DOCK2: variants seen among roughly 807,000 people sequenced by gnomAD.
The protein encoded by DOCK2 is dedicator of cytokinesis 2, also known as dedicator of cytokinesis protein 2.
Under a neutral mutation model 248.9 loss-of-function variants are expected in DOCK2, and 87 were observed. That is an observed-to-expected ratio of 0.35 (90% CI 0.29 to 0.42). The LOEUF is 0.42. Among genes scored for constraint, DOCK2 ranks in the 10% least tolerant of loss-of-function variants. DOCK2 has a pLI of 1.00. For synonymous variants in DOCK2, 805 were observed against 821.6 expected (o/e 0.98, Z 0.35); for missense variants, 1,747 against 2,300.2 (o/e 0.76, Z 4.92).
At chr5:169,912,965 A>G (rs1671077914) in intron 27 of DOCK2, among the ~76,000 whole-genome samples, 1 of 152,154 alleles carries the variant, frequency 6.6e-6, no homozygotes, top group Non-Finnish European at 1.5e-5. Flanking sequence ...TTAATGGGTG[A>G]TAATTTTGTA....
At chr5:169,898,528 A>AAACAACAACAACAAC (rs36216194) in intron 27 of DOCK2, among the ~76,000 whole-genome samples, 5 of 151,130 alleles carry the variant, frequency 3.3e-5, no homozygotes, top group Non-Finnish European at 7.4e-5. Flanking sequence ...CACACACACA[A>AAACAACAACAACAAC]AACAACAACA....
rs9918252 is a variant in DOCK2 at position 169,764,424 on chromosome 5, T to C, written c.2554+2799T>C. Among the ~76,000 whole-genome samples the C allele has an allele frequency of 0.15, 22,910 of 152,088 alleles. 2,993 individuals are homozygous for C. Among genetic ancestry groups the C allele is most frequent in the African/African-American group, 0.31 (12,683 of 41,442 alleles). On this transcript the variant is annotated intron_variant, in intron 25 of 51. Coordinates refer to ENST00000520908, the MANE Select transcript of DOCK2 (RefSeq NM_004946.3). The surrounding 1 kb of genome is among the most constrained non-coding windows in gnomAD (Gnocchi z 4.3). Reference sequence around the variant, plus strand: ...GTTCTTGGGTCACACTAGACCCGAGTTTACTTCCTGGTTCAGCTTTTTACA... The same window carrying C: ...GTTCTTGGGTCACACTAGACCCGAGCTTACTTCCTGGTTCAGCTTTTTACA...
Position 169,671,091 on chromosome 5 carries a change from A to G in DOCK2, c.238A>G (p.Ile80Val), listed in dbSNP as rs201979117. 12 of 1,614,092 alleles carry G rather than the reference A, an allele frequency of 7.4e-6. No individual in the cohort carries two copies. In the Admixed American group the frequency reaches 8.3e-5, roughly 11 times the overall value. Reference protein sequence around the residue: ...TVEKRRNTENIIPAEIPLAQE... With the variant: ...TVEKRRNTENVIPAEIPLAQE... ...CACCTTAAATAGAAATACTGAGAAC[A>G]TCATTCCTGCAGAAATTCCTCTGGC... Residue 80 changes from isoleucine to valine, a missense_variant, in exon 5 of 52, where the codon ATC becomes GTC. Physicochemically the swap from Ile to Val is conservative, Grantham distance 29 (BLOSUM62 3). Coordinates refer to ENST00000520908, the MANE Select transcript of DOCK2 (RefSeq NM_004946.3).
chr5:169,969,948 A>G (rs1306707599), intron 27 of DOCK2, among the ~76,000 whole-genome samples: 1 of 152,238 alleles, frequency 6.6e-6, no homozygotes, highest in African/African-American at 2.4e-5. Flanking sequence ...ATTGTTGACA[A>G]CAAATTCAAA....
chr5:169,669,609 A>G (rs1758930780), intron 3 of DOCK2, among the ~76,000 whole-genome samples: 1 of 151,948 alleles, frequency 6.6e-6, no homozygotes, highest in African/African-American at 2.4e-5. Flanking sequence ...GTCTCTGTGG[A>G]ATTGTGCGTT....
rs373947127 is a variant in DOCK2 at position 169,718,773 on chromosome 5, C to T, written c.2249C>T (p.Ser750Leu). 1 of 1,613,318 alleles carries T rather than the reference C, an allele frequency of 6.2e-7. No individual in the cohort carries two copies. Reference sequence around the variant, plus strand: ...TATGTGTTCAAGTTCATTGTTCGGTCGAGGACATTATTTTCACAGTGAGTA... The same window carrying T: ...TATGTGTTCAAGTTCATTGTTCGGTTGAGGACATTATTTTCACAGTGAGTA... ...LEYVFKFIVR[S>L]RTLFSQLYEG... Residue 750 changes from serine (S) to leucine (L), a missense_variant, in exon 22 of 52, where the codon TCG (serine) becomes TTG (leucine). Transcript: ENST00000520908.
intron 2 of DOCK2, among the ~76,000 whole-genome samples, chr5:169,661,111 ACT>A (rs1581404756): frequency 6.6e-6 from 1 of 151,756 alleles, no homozygotes; most frequent in East Asian, 1.9e-4. Flanking sequence ...CACTGGACAA[ACT>A]CTCTGAGTTT....
In DOCK2 at chr5:169,681,966, G is replaced by A. The variant is rs962583844; in HGVS notation, c.606+87G>A. On this transcript the variant is annotated intron_variant, in intron 7 of 51. Coordinates refer to ENST00000520908, the MANE Select transcript of DOCK2 (RefSeq NM_004946.3). ...AAATAATGGGCTAATGAACCAGACT[G>A]TGTATTATTCAAGGGGCATCTGTCT... 3.1e-5 allele frequency: 48 copies of A among 1,543,454 alleles called. No homozygotes were observed. In the East Asian group the frequency reaches 8.4e-4, roughly 27 times the overall value.
intron 25 of DOCK2, among the ~76,000 whole-genome samples, chr5:169,795,830 G>A (rs1049786839): frequency 6.6e-6 from 1 of 152,182 alleles, no homozygotes; most frequent in Admixed American, 6.5e-5. Context: ...GGAGAATTTT[G>A]GGTTTCAATT....
At chr5:169,719,381 T>C (rs1173452400) in intron 22 of DOCK2, among the ~76,000 whole-genome samples, 1 of 152,210 alleles carries the variant, frequency 6.6e-6, no homozygotes, top group Non-Finnish European at 1.5e-5. Context: ...ATCTTGGCCA[T>C]AGGGCAAAGT....
chr5:170,049,911 C>T (rs1228791432), intron 40 of DOCK2, among the ~76,000 whole-genome samples: 1 of 152,202 alleles, frequency 6.6e-6, no homozygotes, highest in Non-Finnish European at 1.5e-5. Context: ...TGGCCCATTA[C>T]AGGCAACGGG....
chr5:169,866,199 G>C (rs995810598), intron 27 of DOCK2, among the ~76,000 whole-genome samples: 2 of 152,210 alleles, frequency 1.3e-5, no homozygotes, highest in Non-Finnish European at 2.9e-5. Context: ...ATCCAGGCTT[G>C]CTTCTCCTCC....
At chr5:169,789,997 TGTGG>T (rs1766227830) in intron 25 of DOCK2, among the ~76,000 whole-genome samples, 2 of 152,212 alleles carry the variant, frequency 1.3e-5, no homozygotes, top group Non-Finnish European at 1.5e-5. Flanking sequence ...GTTTTAAATC[TGTGG>T]AGCTGTAAAT....
intron 27 of DOCK2, among the ~76,000 whole-genome samples, chr5:169,946,795 GC>G (rs1776468450): frequency 6.6e-6 from 1 of 152,218 alleles, no homozygotes; most frequent in Non-Finnish European, 1.5e-5. Context: ...GTGACGTGGG[GC>G]TGAGGGAGAC....
intron 46 of DOCK2, among the ~76,000 whole-genome samples, chr5:170,070,760 CTT>C (rs992127363): frequency 7.5e-4 from 115 of 152,322 alleles, no homozygotes; most frequent in African/African-American, 2.5e-3. Context: ...CTGGGGACCT[CTT>C]CTCCTCTGGA....
At chr5:169,944,066 G>A (rs1402365633) in intron 27 of DOCK2, among the ~76,000 whole-genome samples, 1 of 152,194 alleles carries the variant, frequency 6.6e-6, no homozygotes, top group Non-Finnish European at 1.5e-5. Context: ...CATGTGCCAG[G>A]ACCGGGGTAA....
At chr5:169,675,223 T>TCCACCTGGAGTCCAGGGC (rs1226374918) in intron 6 of DOCK2, among the ~76,000 whole-genome samples, 1 of 152,110 alleles carries the variant, frequency 6.6e-6, no homozygotes, top group Admixed American at 6.5e-5. Context: ...GGCTCCAGGG[T>TCCACCTGGAGTCCAGGGC]CCACCTGGAG....
chr5:170,029,020 A>C (rs1756028707), intron 34 of DOCK2, among the ~76,000 whole-genome samples: 1 of 152,102 alleles, frequency 6.6e-6, no homozygotes, highest in Non-Finnish European at 1.5e-5. Context: ...TACTATTCGT[A>C]TTGATTCTTC....
intron 4 of DOCK2, 123 bp from the exon 5 acceptor site, chr5:169,670,955 G>A: frequency 1.4e-6 from 1 of 707,230 alleles, no homozygotes; most frequent in Non-Finnish European, 2.4e-6. Context: ...GCTATTGGAG[G>A]TGTTTTAGTC....
Sources: gnomAD v4.1 joint callset for allele counts (sites outside exome capture counted in the v4.1 genomes callset) on GRCh38, gnomAD v4.1.1 for gene constraint, Gnocchi (gnomAD v3.1) non-coding constraint, MANE v1.5 for transcripts, NCBI Gene and HGNC (gene_info 2026-07-23, HGNC 2026-07-21) for gene names.